Variants in RASGRF1 observed in about 807,000 individuals in gnomAD.
RASGRF1 encodes the protein Ras protein specific guanine nucleotide releasing factor 1, also known as ras-specific guanine nucleotide-releasing factor 1.
RASGRF1 carries 40 observed loss-of-function variants against 138.7 expected under a neutral mutation model. The ratio of observed to expected loss-of-function variants is 0.29; its 90% confidence interval spans 0.22 to 0.38. The LOEUF is 0.38. Ranked by LOEUF, RASGRF1 falls within the 10% of genes least tolerant of loss-of-function variation. The pLI, the probability that RASGRF1 is intolerant of heterozygous loss-of-function variation, is 1.00. For synonymous variants in RASGRF1, 614 were observed against 663.2 expected (o/e 0.93, Z 1.14); for missense variants, 1,108 against 1,650.4 (o/e 0.67, Z 5.69).
chr15:79,011,327 C>T (rs753191852), intron 13 of RASGRF1, among the ~76,000 whole-genome samples: 12 of 152,092 alleles, frequency 7.9e-5, no homozygotes, highest in Non-Finnish European at 1.8e-4. Flanking sequence ...ATAAGGAAGA[C>T]AGATGAAGCT....
chr15:79,054,989 G>A (rs2057491093), intron 3 of RASGRF1, among the ~76,000 whole-genome samples: 1 of 152,118 alleles, frequency 6.6e-6, no homozygotes, highest in African/African-American at 2.4e-5. Flanking sequence ...GAGAGTGTAG[G>A]GCCATCCAGG....
intron 16 of RASGRF1, among the ~76,000 whole-genome samples, chr15:79,000,388 A>G (rs2056496073): frequency 6.6e-6 from 1 of 152,130 alleles, no homozygotes; most frequent in South Asian, 2.1e-4. Flanking sequence ...GAGTCCAGCC[A>G]CCTGAGTTGA....
At position 78,967,113 on chromosome 15, in the gene RASGRF1, C is replaced by A. The variant is rs2055658899; in HGVS notation, c.3681+4753G>T. ...AGCGCAGGAGTTCAACATGGGCAGACCCTGTCTCTATAAAAAAATAAAAAA... is the reference window on the plus strand; with the variant it reads ...AGCGCAGGAGTTCAACATGGGCAGAACCTGTCTCTATAAAAAAATAAAAAA... On this transcript the variant is annotated intron_variant, in intron 26 of 26. Transcript: ENST00000558480. Among the ~76,000 whole-genome samples, 9 of 151,636 alleles carry A rather than the reference C, an allele frequency of 5.9e-5. No homozygotes were observed. In the South Asian group the frequency reaches 1.9e-3, roughly 32 times the overall value.
chr15:78,983,127 T>C (rs2056072651), intron 23 of RASGRF1, among the ~76,000 whole-genome samples: 1 of 152,172 alleles, frequency 6.6e-6, no homozygotes, highest in African/African-American at 2.4e-5. Flanking sequence ...ATGGGACGCC[T>C]GTAGAGAGAG....
intron 17 of RASGRF1, among the ~76,000 whole-genome samples, chr15:78,999,148 A>G (rs138818862): frequency 4.3e-4 from 66 of 152,272 alleles, no homozygotes; most frequent in Non-Finnish European, 5.7e-4. Context: ...CCCCTATTCC[A>G]GTCTCTGCTG....
At chr15:79,019,538 G>A (rs771871538) in intron 11 of RASGRF1, among the ~76,000 whole-genome samples, 1 of 152,122 alleles carries the variant, frequency 6.6e-6, no homozygotes, top group Non-Finnish European at 1.5e-5. Flanking sequence ...AGGACCCTCA[G>A]CCCTGCAATC....
chr15:79,025,378 A>C lies in RASGRF1; in HGVS notation c.1478T>G (p.Phe493Cys). The change falls in exon 10 of 27, where the codon TTC becomes TGC. Residue 493 changes from phenylalanine to cysteine, a missense_variant. Physicochemically the swap from Phe to Cys is radical, Grantham distance 205. This residue lies in a region of RASGRF1 where 169 missense variants were observed against 344.2 expected (regional missense o/e 0.49). Transcript: ENST00000558480. ...SLKKEGERQCFLFSKHLIICT... is the reference protein window; with the variant it reads ...SLKKEGERQCCLFSKHLIICT... ...GATAATCAGATGCTTAGAAAACAGG[A>C]AGCACTGTCGCTCGCCCTCTTTCTT... is the stretch of plus-strand genomic sequence containing the variant. The C allele has an allele frequency of 6.2e-7, 1 of 1,613,950 alleles. No individual in the cohort carries two copies. The highest frequency in any genetic ancestry group is 8.5e-7 in the Non-Finnish European group (1 of 1,179,926).
intron 1 of RASGRF1, among the ~76,000 whole-genome samples, chr15:79,087,925 T>G (rs1260027954): frequency 6.6e-6 from 1 of 152,216 alleles, no homozygotes; most frequent in African/African-American, 2.4e-5. Context: ...TGTTCTCTTG[T>G]GCCAGGAGGG....
intron 23 of RASGRF1, chr15:78,981,078 C>T (rs1458417465): frequency 6.0e-6 from 1 of 165,790 alleles, no homozygotes; most frequent in East Asian, 1.6e-4. Context: ...TGATCTTTCT[C>T]ATGAACTAGA....
chr15:79,047,139 T>C, intron 4 of RASGRF1, 140 bp from the exon 5 acceptor site: 1 of 1,057,554 alleles, frequency 9.5e-7, no homozygotes, highest in East Asian at 2.6e-5. Context: ...AGAGCTCAGA[T>C]GTAGACCAGG....
In RASGRF1 at chr15:79,027,373, C is replaced by G. The variant is rs368758463; in HGVS notation, c.1381+368G>C. ...CTGACCTCCTCCCAGACACTGAAAA[C>G]GCTTCTGACTCACAGAGACAACTGT... On this transcript the variant is annotated intron_variant, in intron 9 of 26. Transcript: ENST00000558480. This position sits in a 1 kb window ranked among gnomAD's most constrained non-coding sequence, Gnocchi z 4.8. Among the ~76,000 whole-genome samples, 4 of 152,164 alleles carry G rather than the reference C, an allele frequency of 2.6e-5. No homozygotes were observed. The highest frequency in any genetic ancestry group is 5.9e-5 in the Non-Finnish European group (4 of 68,024).
intron 3 of RASGRF1, among the ~76,000 whole-genome samples, chr15:79,055,378 A>G (rs184506207): frequency 1.3e-5 from 2 of 152,218 alleles, no homozygotes; most frequent in Admixed American, 6.5e-5. Flanking sequence ...GTGTGTGTGT[A>G]TATCAGGGGG....
intron 24 of RASGRF1, chr15:78,979,380 T>C: frequency 6.7e-6 from 2 of 300,442 alleles, no homozygotes; most frequent in Non-Finnish European, 1.3e-5. Flanking sequence ...GGCCCCATCC[T>C]CAGGGTCTGG....
chr15:78,999,998 G>C (rs368999623), intron 16 of RASGRF1, 85 bp from the exon 17 acceptor site: 128 of 1,445,102 alleles, frequency 8.9e-5, no homozygotes, highest in South Asian at 8.1e-4. Context: ...CGAGGCTAGA[G>C]CAGCCTTAAG....
intron 8 of RASGRF1, among the ~76,000 whole-genome samples, 185 bp downstream of exon 8, chr15:79,031,214 GC>G (rs2057131683): frequency 6.6e-6 from 1 of 152,162 alleles, no homozygotes; most frequent in Admixed American, 6.5e-5. Flanking sequence ...GCCTACCGGG[GC>G]TTGAGTTGTA....
intron 19 of RASGRF1, among the ~76,000 whole-genome samples, chr15:78,997,381 G>A (rs1347263349): frequency 1.3e-5 from 2 of 152,192 alleles, no homozygotes; most frequent in African/African-American, 4.8e-5. Flanking sequence ...AGCTGAGGCT[G>A]CTGGGCTCAT....
At chr15:79,060,508 G>T (rs2057589525) in intron 2 of RASGRF1, among the ~76,000 whole-genome samples, 1 of 152,218 alleles carries the variant, frequency 6.6e-6, no homozygotes, top group African/African-American at 2.4e-5. Flanking sequence ...CCTGGCAGTT[G>T]CAGAGCCCTA....
intron 22 of RASGRF1, among the ~76,000 whole-genome samples, chr15:78,989,557 T>C (rs2056227998): frequency 6.6e-6 from 1 of 152,078 alleles, no homozygotes; most frequent in Non-Finnish European, 1.5e-5. Context: ...CCTCCTAACA[T>C]TAAAGAGAAT....
chr15:79,034,594 C>A (rs1461015260), intron 6 of RASGRF1, among the ~76,000 whole-genome samples: 1 of 152,038 alleles, frequency 6.6e-6, no homozygotes, highest in African/African-American at 2.4e-5. Context: ...AATGACAGTG[C>A]CTTCATGGGT....
Sources: gnomAD v4.1 joint callset for allele counts (sites outside exome capture counted in the v4.1 genomes callset) on GRCh38, gnomAD v4.1.1 for gene constraint, gnomAD v4.1.1 regional missense constraint, Gnocchi (gnomAD v3.1) non-coding constraint, MANE v1.5 for transcripts, NCBI Gene and HGNC (gene_info 2026-07-23, HGNC 2026-07-21) for gene names.